SIPA1L3: variants seen among roughly 807,000 people sequenced by gnomAD.
SIPA1L3 encodes signal induced proliferation associated 1 like 3.
Under a neutral mutation model 150.1 loss-of-function variants are expected in SIPA1L3, and 59 were observed. That is an observed-to-expected ratio of 0.39 (90% CI 0.32 to 0.49). The LOEUF (loss-of-function observed/expected upper bound fraction) is 0.49. Among genes scored for constraint, SIPA1L3 ranks in the 20% least tolerant of loss-of-function variants. The probability of loss-of-function intolerance (pLI) is 0.86; values close to 1 mark genes in which losing one functional copy is unlikely to be tolerated. For missense variants in SIPA1L3, 2,211 were observed against 2,489.5 expected, an observed-to-expected ratio of 0.89 and a Z score of 2.38; for synonymous variants, 1,070 against 1,077.6, an observed-to-expected ratio of 0.99 and a Z score of 0.14.
intron 2 of SIPA1L3, among the ~76,000 whole-genome samples, chr19:38,040,263 G>A (rs1030292427): frequency 1.3e-5 from 2 of 152,080 alleles, no homozygotes; most frequent in South Asian, 2.1e-4. Flanking sequence ...CTGTCTCCAC[G>A]TCCATCTGAA....
intron 3 of SIPA1L3, among the ~76,000 whole-genome samples, chr19:38,088,231 CT>C (rs1433980563): frequency 6.6e-6 from 1 of 152,236 alleles, no homozygotes; most frequent in Admixed American, 6.5e-5. Context: ...AGCGACTTGG[CT>C]GGGGCCAGAC....
chr19:37,916,284 C>T (rs558501269), intron 1 of SIPA1L3, among the ~76,000 whole-genome samples: 1 of 152,068 alleles, frequency 6.6e-6, no homozygotes, highest in African/African-American at 2.4e-5. Flanking sequence ...GCCTCAGCCT[C>T]CCAAAGTGCT....
At chr19:38,196,591 G>T (rs1448411419) in intron 18 of SIPA1L3, among the ~76,000 whole-genome samples, 2 of 150,614 alleles carry the variant, frequency 1.3e-5, no homozygotes, top group Non-Finnish European at 3.0e-5. Context: ...TGGAGGTCAA[G>T]GGAGGAGCAT....
Position 38,182,709 on chromosome 19 carries a change from C to G in SIPA1L3, c.4399C>G (p.Pro1467Ala). 1.2e-6 allele frequency: 2 copies of G among 1,613,842 alleles called. No individual in the cohort carries two copies. Among genetic ancestry groups the G allele is most frequent in the Non-Finnish European group, 1.7e-6 (2 of 1,179,864 alleles). Residue 1467 changes from proline to alanine, a missense_variant, in exon 16 of 22, where the codon CCA becomes GCA. Pro to Ala is a conservative substitution (Grantham distance 27). Coordinates refer to ENST00000222345, the MANE Select transcript of SIPA1L3 (RefSeq NM_015073.3). ...GTGGAAGAGAACGGAGGAGCCCCCACCACGGCCACTCCCCTTCAGTGACCC... is the reference window on the plus strand; with the variant it reads ...GTGGAAGAGAACGGAGGAGCCCCCAGCACGGCCACTCCCCTTCAGTGACCC... The part of the protein sequence containing the change: ...TGWKRTEEPP[P>A]RPLPFSDPKK...
At chr19:37,940,796 G>A (rs1416430788) in intron 1 of SIPA1L3, among the ~76,000 whole-genome samples, 1 of 151,650 alleles carries the variant, frequency 6.6e-6, no homozygotes, top group Non-Finnish European at 1.5e-5. Flanking sequence ...TGGCCAGGCT[G>A]GTCTCAAACC....
At chr19:38,069,096 T>C (rs1250259881) in intron 2 of SIPA1L3, among the ~76,000 whole-genome samples, 1 of 152,008 alleles carries the variant, frequency 6.6e-6, no homozygotes, top group East Asian at 1.9e-4. Flanking sequence ...CTGTTCACAG[T>C]CTGGGGAAGA....
intron 2 of SIPA1L3, among the ~76,000 whole-genome samples, chr19:38,064,560 G>C (rs1260250517): frequency 6.6e-6 from 1 of 152,124 alleles, no homozygotes; most frequent in Non-Finnish European, 1.5e-5. Flanking sequence ...AGCCGGGCGT[G>C]GTGGTGTGGG....
intron 1 of SIPA1L3, among the ~76,000 whole-genome samples, chr19:37,909,759 A>G (rs984073031): frequency 1.3e-5 from 2 of 152,132 alleles, no homozygotes; most frequent in Admixed American, 6.6e-5. Context: ...GAGGGTGGCC[A>G]TCCTGGGCAT....
rs770570972 is a variant in SIPA1L3 at position 38,081,915 on chromosome 19, TGAG to T, written c.354_356del (p.Arg118del). The T allele has an allele frequency of 1.5e-5, 25 of 1,613,914 alleles. No homozygotes were observed. Among genetic ancestry groups the T allele is most frequent in the East Asian group, 6.7e-5 (3 of 44,854 alleles). On this transcript the variant is annotated inframe_deletion, in exon 3 of 22. Transcript: ENST00000222345. ...AAGGCCACCAAGATGGCCCATTCCATGAGGAGCATACAGAACGGACAGCCCCCC... is the reference window on the plus strand; with the variant it reads ...AAGGCCACCAAGATGGCCCATTCCATGAGCATACAGAACGGACAGCCCCCC...
chr19:38,175,713 C>T (rs949842717), intron 15 of SIPA1L3, among the ~76,000 whole-genome samples: 3 of 152,126 alleles, frequency 2.0e-5, no homozygotes, highest in Non-Finnish European at 4.4e-5. Flanking sequence ...GAGGCAGGTG[C>T]TGTCATTGCC....
At chr19:38,136,987 G>A (rs1971449447) in intron 10 of SIPA1L3, among the ~76,000 whole-genome samples, 1 of 152,210 alleles carries the variant, frequency 6.6e-6, no homozygotes, top group Non-Finnish European at 1.5e-5. Context: ...TTGTTAAGCA[G>A]TTGTCATGTG....
At chr19:38,076,491 C>T (rs955296291) in intron 2 of SIPA1L3, among the ~76,000 whole-genome samples, 1 of 152,152 alleles carries the variant, frequency 6.6e-6, no homozygotes, top group Admixed American at 6.6e-5. Context: ...TTTGAAACAC[C>T]GTGTGACACT....
intron 13 of SIPA1L3, among the ~76,000 whole-genome samples, chr19:38,157,042 T>C (rs1163331031): frequency 1.3e-5 from 2 of 151,982 alleles, no homozygotes; most frequent in East Asian, 3.9e-4. Flanking sequence ...TGCGCACCTA[T>C]GGTCCCAGCT....
chr19:38,205,839 G>T (rs763578890), intron 21 of SIPA1L3, among the ~76,000 whole-genome samples: 2 of 152,214 alleles, frequency 1.3e-5, no homozygotes, highest in Non-Finnish European at 2.9e-5. Flanking sequence ...CTCCACATGT[G>T]GTTGCGTTCC....
intron 8 of SIPA1L3, among the ~76,000 whole-genome samples, chr19:38,117,792 C>T (rs1970921626): frequency 6.6e-6 from 1 of 151,192 alleles, no homozygotes; most frequent in Non-Finnish European, 1.5e-5. Context: ...AGATCATTTT[C>T]TCTTTTTTTT....
chr19:38,008,477 C>G (rs1398067537), intron 1 of SIPA1L3, among the ~76,000 whole-genome samples: 4 of 151,946 alleles, frequency 2.6e-5, no homozygotes, highest in Admixed American at 2.6e-4. Flanking sequence ...GATCCACCCA[C>G]CTCAGCCTCC....
intron 1 of SIPA1L3, among the ~76,000 whole-genome samples, chr19:37,921,569 G>A (rs2046457613): frequency 6.6e-6 from 1 of 151,918 alleles, no homozygotes; most frequent in Admixed American, 6.6e-5. Context: ...TCCACCCCCA[G>A]CACCATCTTC....
chr19:37,949,596 C>T (rs984920086), intron 1 of SIPA1L3, among the ~76,000 whole-genome samples: 5 of 151,326 alleles, frequency 3.3e-5, no homozygotes, highest in African/African-American at 1.2e-4. Flanking sequence ...ACCTGGGAAG[C>T]GGAGGTTGCG....
At chr19:38,076,145 A>C (rs1969832986) in intron 2 of SIPA1L3, among the ~76,000 whole-genome samples, 1 of 151,874 alleles carries the variant, frequency 6.6e-6, no homozygotes, top group African/African-American at 2.4e-5. Flanking sequence ...GTCTCAAAAA[A>C]TAATAATAAT....
Sources: gnomAD v4.1 joint callset for allele counts (sites outside exome capture counted in the v4.1 genomes callset) on GRCh38, gnomAD v4.1.1 for gene constraint, MANE v1.5 for transcripts, NCBI Gene and HGNC (gene_info 2026-07-23, HGNC 2026-07-21) for gene names.